PHLPP1: variants seen among roughly 807,000 people sequenced by gnomAD.
PHLPP1 encodes PH domain leucine-rich repeat-containing protein phosphatase 1.
Under a neutral mutation model 117.2 loss-of-function variants are expected in PHLPP1, and 42 were observed. That is an observed-to-expected ratio of 0.36 (90% CI 0.28 to 0.46). PHLPP1 has a LOEUF of 0.46. Among genes scored for constraint, PHLPP1 ranks in the 20% least tolerant of loss-of-function variants. The probability of loss-of-function intolerance (pLI) is 1.00; values close to 1 mark genes in which losing one functional copy is unlikely to be tolerated. For missense variants in PHLPP1, 2,084 were observed against 2,241.9 expected, an observed-to-expected ratio of 0.93 and a Z score of 1.42; for synonymous variants, 1,042 against 970.7, an observed-to-expected ratio of 1.07 and a Z score of -1.37.
chr18:62,837,356 G>T (rs1030685303), intron 2 of PHLPP1, among the ~76,000 whole-genome samples: 1 of 152,054 alleles, frequency 6.6e-6, no homozygotes, highest in African/African-American at 2.4e-5. Context: ...TTTTTTCTAA[G>T]AATTTGTCAC....
Position 62,892,082 on chromosome 18 carries a change from CTTTTTTTTTTT to C in PHLPP1, c.2067-2913_2067-2903del, listed in dbSNP as rs200141250. Among the ~76,000 whole-genome samples, 400 of 107,914 alleles carry C rather than the reference CTTTTTTTTTTT, an allele frequency of 3.7e-3. 6 individuals are homozygous for C. The highest frequency in any genetic ancestry group is 0.017 in the Middle Eastern group (4 of 242). 70.8% of individuals were successfully genotyped at this position (107,914 alleles called of 152,430 possible). ...TTTTCTTTCTTTTCTTTCTTTCTTT[CTTTTTTTTTTT>C]TTTTTTTTTTTTTTTACGGAGTTTT... On this transcript the variant is annotated intron_variant, in intron 4 of 16. Coordinates refer to ENST00000262719, the MANE Select transcript of PHLPP1 (RefSeq NM_194449.4).
At chr18:62,973,219 T>G (rs1280072624) in intron 15 of PHLPP1, among the ~76,000 whole-genome samples, 1 of 152,214 alleles carries the variant, frequency 6.6e-6, no homozygotes, top group Non-Finnish European at 1.5e-5. Flanking sequence ...GTTTTCTCCT[T>G]TATTAAATGT....
Position 62,860,562 on chromosome 18 carries a change from C to G in PHLPP1, c.2027C>G (p.Pro676Arg). The change falls in exon 4 of 17, where the codon CCT becomes CGT. Residue 676 changes from proline to arginine, a missense_variant. This residue lies in a region of PHLPP1 where 1,365 missense variants were observed against 1,605.9 expected (regional missense o/e 0.85). Transcript: ENST00000262719. ...NLKQNFLRQN[P>R]SLPAARGLNE... ...AAACAAAACTTCCTAAGGCAGAACC[C>G]TAGCCTTCCAGCTGCCAGGGGGCTT... The G allele has an allele frequency of 1.2e-6, 2 of 1,613,548 alleles. No homozygotes were observed. Among genetic ancestry groups the G allele is most frequent in the Non-Finnish European group, 1.7e-6 (2 of 1,179,712 alleles).
chr18:62,895,549 C>A (rs1007575846), intron 5 of PHLPP1, among the ~76,000 whole-genome samples: 1 of 152,156 alleles, frequency 6.6e-6, no homozygotes, highest in African/African-American at 2.4e-5. Flanking sequence ...CCATTTAAGC[C>A]TATTCAAATT....
chr18:62,847,777 C>T (rs1915218926), intron 3 of PHLPP1, among the ~76,000 whole-genome samples: 1 of 152,212 alleles, frequency 6.6e-6, no homozygotes, highest in South Asian at 2.1e-4. Flanking sequence ...ACCAGACTCT[C>T]ACACCATCCC....
At chr18:62,758,724 G>C (rs953484114) in intron 1 of PHLPP1, among the ~76,000 whole-genome samples, 1 of 152,150 alleles carries the variant, frequency 6.6e-6, no homozygotes, top group East Asian at 1.9e-4. Flanking sequence ...TGGAAAACCC[G>C]TGCCACCAGA....
In PHLPP1 at chr18:62,963,488, CT is replaced by C; in HGVS notation, c.3560+19del. 1 of 1,539,176 alleles carries C rather than the reference CT, an allele frequency of 6.5e-7. No individual in the cohort carries two copies. On this transcript the variant is annotated intron_variant, in intron 14 of 16. Coordinates refer to ENST00000262719, the MANE Select transcript of PHLPP1 (RefSeq NM_194449.4). ...TAAAAAACAAGTAAGTCAGATGAAACTTTAGAGGAAGAAGTGCCTCCTGCCT... is the reference window on the plus strand; with the variant it reads ...TAAAAAACAAGTAAGTCAGATGAAACTTAGAGGAAGAAGTGCCTCCTGCCT...
intron 13 of PHLPP1, among the ~76,000 whole-genome samples, 192 bp from the exon 14 acceptor site, chr18:62,963,176 A>T (rs965917147): frequency 6.6e-6 from 1 of 152,200 alleles, no homozygotes; most frequent in African/African-American, 2.4e-5. Context: ...CTCTGTATAT[A>T]TGCCCCTCAG....
At chr18:62,869,916 C>T (rs992361786) in intron 4 of PHLPP1, among the ~76,000 whole-genome samples, 2 of 152,182 alleles carry the variant, frequency 1.3e-5, no homozygotes, top group Non-Finnish European at 2.9e-5. Flanking sequence ...AAGACGGGCT[C>T]TTGCTCTGTC....
chr18:62,919,956 C>T lies in PHLPP1; in HGVS notation c.2805-3C>T, dbSNP rs1909413131. ...TTTTGGTCTTTTGTCCCTTTTTATACAGCTTATTTTGTAATAGCAGTCTCC... is the reference window on the plus strand; with the variant it reads ...TTTTGGTCTTTTGTCCCTTTTTATATAGCTTATTTTGTAATAGCAGTCTCC... On this transcript the variant is annotated splice_region_variant and splice_polypyrimidine_tract_variant and intron_variant, in intron 9 of 16. Coordinates refer to ENST00000262719, the MANE Select transcript of PHLPP1 (RefSeq NM_194449.4). The T allele has an allele frequency of 6.3e-7, 1 of 1,580,276 alleles. No individual in the cohort carries two copies. The highest frequency in any genetic ancestry group is 1.3e-5 in the African/African-American group (1 of 74,180).
At chr18:62,757,217 A>G (rs1042966281) in intron 1 of PHLPP1, among the ~76,000 whole-genome samples, 1 of 152,244 alleles carries the variant, frequency 6.6e-6, no homozygotes. Flanking sequence ...TAGAACGACT[A>G]CTGAAACAAA....
At chr18:62,892,667 G>C (rs1030795322) in intron 4 of PHLPP1, among the ~76,000 whole-genome samples, 5 of 151,568 alleles carry the variant, frequency 3.3e-5, no homozygotes, top group African/African-American at 4.8e-5. Context: ...ACGAGGCCAG[G>C]AGATCGAGAC....
In PHLPP1 at chr18:62,716,417, T is replaced by G. The variant is rs1910735946; in HGVS notation, c.734T>G (p.Val245Gly). ...LQLGHKGGGVVKVLGQGPGAA... is the reference protein window; with the variant it reads ...LQLGHKGGGVGKVLGQGPGAA... Reference sequence around the variant, plus strand: ...CTGGGCCACAAAGGCGGCGGCGTGGTGAAGGTGCTGGGCCAGGGGCCCGGA... The same window carrying G: ...CTGGGCCACAAAGGCGGCGGCGTGGGGAAGGTGCTGGGCCAGGGGCCCGGA... Residue 245 changes from valine to glycine, a missense_variant, in exon 1 of 17, where the codon GTG becomes GGG. Physicochemically the swap from Val to Gly is moderately radical, Grantham distance 109. This residue lies in a region of PHLPP1 where 719 missense variants were observed against 636.0 expected (regional missense o/e 1.13). Coordinates refer to ENST00000262719, the MANE Select transcript of PHLPP1 (RefSeq NM_194449.4). The surrounding 1 kb of genome is among the most constrained non-coding windows in gnomAD (Gnocchi z 5.7). 1 of 1,470,880 alleles carries G rather than the reference T, an allele frequency of 6.8e-7. No homozygotes were observed. Among genetic ancestry groups the G allele is most frequent in the South Asian group, 1.3e-5 (1 of 77,778 alleles). The allele number at this position is 1,470,880 out of a possible 1,614,324, so 91.1% of individuals were successfully genotyped here.
intron 3 of PHLPP1, among the ~76,000 whole-genome samples, chr18:62,852,949 G>C (rs542185165): frequency 1.4e-4 from 22 of 152,308 alleles, no homozygotes; most frequent in African/African-American, 5.3e-4. Flanking sequence ...ATAGGGTAAG[G>C]ATAGGACAGA....
intron 4 of PHLPP1, among the ~76,000 whole-genome samples, chr18:62,874,657 GCACACA>G (rs71340125): frequency 0.19 from 28,103 of 147,594 alleles, 2,803 homozygotes; most frequent in Middle Eastern, 0.29. Context: ...ACGCACGCGC[GCACACA>G]CACACACACA....
intron 1 of PHLPP1, among the ~76,000 whole-genome samples, chr18:62,796,476 G>C (rs1207210275): frequency 6.6e-6 from 1 of 152,192 alleles, no homozygotes; most frequent in Non-Finnish European, 1.5e-5. Flanking sequence ...GTAGAGGAGA[G>C]GAAGGAATTG....
Position 62,715,876 on chromosome 18 carries a change from G to A in PHLPP1, c.193G>A (p.Gly65Ser). 1.2e-6 allele frequency: 1 copy of A among 834,142 alleles called. No individual in the cohort carries two copies. The highest frequency in any genetic ancestry group is 1.4e-6 in the Non-Finnish European group (1 of 692,040). The allele number at this position is 834,142 out of a possible 1,614,324, so 51.7% of individuals were successfully genotyped here. A position where few individuals can be genotyped will look rare whatever the true frequency, so the allele number is the denominator to read the frequency against. ...CCCGGCGGCCCCGAGCGGCGGGAAC[G>A]GCAGCGGCAGCGGGGCGCGGGAAGA... ...LTPAAPSGGN[G>S]SGSGAREEAP... Residue 65 changes from glycine (G) to serine (S), a missense_variant, in exon 1 of 17, where the codon GGC (glycine) becomes AGC (serine). By Grantham distance (56) the Gly-to-Ser change is moderately conservative. Transcript: ENST00000262719.
intron 4 of PHLPP1, among the ~76,000 whole-genome samples, chr18:62,887,452 C>T (rs568149354): frequency 6.6e-6 from 1 of 152,262 alleles, no homozygotes; most frequent in African/African-American, 2.4e-5. Flanking sequence ...TTATAAACAA[C>T]AGAAATTTAT....
At chr18:62,913,302 A>T (rs1004151622) in intron 8 of PHLPP1, among the ~76,000 whole-genome samples, 2 of 147,164 alleles carry the variant, frequency 1.4e-5, no homozygotes, top group East Asian at 2.0e-4. Flanking sequence ...ATTAACAATT[A>T]AAAAAAAAAA....
Sources: allele counts gnomAD v4.1 joint callset (sites outside exome capture counted in the v4.1 genomes callset), GRCh38; gene constraint gnomAD v4.1.1; regional missense constraint gnomAD v4.1.1; non-coding constraint Gnocchi (gnomAD v3.1); transcripts MANE v1.5; gene names NCBI Gene and HGNC (gene_info 2026-07-23, HGNC 2026-07-21).